DENND4C: variants seen among roughly 807,000 people sequenced by gnomAD.
The protein encoded by DENND4C is DENN domain-containing protein 4C.
In DENND4C, 108 loss-of-function variants were observed where a neutral mutation model predicts 203.0. That is an observed-to-expected ratio of 0.53 (90% CI 0.46 to 0.62). The LOEUF (loss-of-function observed/expected upper bound fraction) is 0.62. DENND4C is among the 20% of genes least tolerant of loss of function. The pLI, the probability that DENND4C is intolerant of heterozygous loss-of-function variation, is 0.00. For synonymous variants in DENND4C, 871 were observed against 792.4 expected, an observed-to-expected ratio of 1.10 and a Z score of -1.67; for missense variants, 2,481 against 2,301.2, an observed-to-expected ratio of 1.08 and a Z score of -1.60.
At chr9:19,309,978 G>A (rs916333972) in intron 10 of DENND4C, among the ~76,000 whole-genome samples, 2 of 152,126 alleles carry the variant, frequency 1.3e-5, no homozygotes, top group East Asian at 3.9e-4. Context: ...GGTGAACTTT[G>A]TGTTTTCTCC....
At chr9:19,303,126 T>C (rs74439918) in intron 9 of DENND4C, among the ~76,000 whole-genome samples, 6,699 of 152,174 alleles carry the variant, frequency 0.044, 482 homozygotes, top group African/African-American at 0.15. Context: ...GCAGAATACA[T>C]GCTGGTTGAA....
At chr9:19,315,999 G>A (rs2131551276) in intron 10 of DENND4C, among the ~76,000 whole-genome samples, 1 of 152,224 alleles carries the variant, frequency 6.6e-6, no homozygotes, top group Admixed American at 6.5e-5. Context: ...AACTGTGAGG[G>A]CTGGATGAAC....
intron 6 of DENND4C, 142 bp from the exon 7 acceptor site, chr9:19,297,914 C>G: frequency 1.7e-6 from 1 of 589,980 alleles, no homozygotes; most frequent in Non-Finnish European, 2.8e-6. Context: ...TTACATGGAG[C>G]AAATTTACTT....
At chr9:19,354,757 G>A (rs1212370416) in intron 26 of DENND4C, among the ~76,000 whole-genome samples, 6 of 151,730 alleles carry the variant, frequency 4.0e-5, no homozygotes, top group Non-Finnish European at 7.4e-5. Flanking sequence ...TGTTAGCCAG[G>A]CTGGTCTCGA....
intron 2 of DENND4C, among the ~76,000 whole-genome samples, chr9:19,279,459 G>A (rs1286655500): frequency 1.3e-5 from 2 of 152,048 alleles, no homozygotes; most frequent in East Asian, 1.9e-4. Context: ...CCGATCACTT[G>A]TGGTCAGGAG....
intron 16 of DENND4C, among the ~76,000 whole-genome samples, chr9:19,331,254 G>A (rs1819084862): frequency 6.6e-6 from 1 of 150,584 alleles, no homozygotes; most frequent in Middle Eastern, 3.4e-3. Flanking sequence ...CCAGGCTGGA[G>A]TGCAGTGGCA....
At chr9:19,357,407 A>T in intron 27 of DENND4C, 1 of 398,950 alleles carries the variant, frequency 2.5e-6, no homozygotes, top group South Asian at 3.8e-5. Context: ...TTCCCTTTTA[A>T]TATAGTCATT....
chr9:19,371,932 AAT>A lies in DENND4C; in HGVS notation c.5741-99_5741-98del, dbSNP rs1353998879. ...AAGATTTAAAAGATTTCTACTTCTA[AAT>A]ATATAGTTCAAATACATATAATTTG... On this transcript the variant is annotated intron_variant, in intron 32 of 32. Coordinates refer to ENST00000434457, the MANE Select transcript of DENND4C (RefSeq NM_001330640.2). 4.5e-6 allele frequency: 6 copies of A among 1,342,328 alleles called. No individual in the cohort carries two copies. In the African/African-American group the frequency reaches 8.8e-5, roughly 20 times the overall value. 83.2% of individuals were successfully genotyped at this position (1,342,328 alleles called of 1,614,324 possible).
chr9:19,320,479 G>A (rs1489164287), intron 12 of DENND4C, among the ~76,000 whole-genome samples: 9 of 152,192 alleles, frequency 5.9e-5, no homozygotes, highest in East Asian at 3.9e-4. Context: ...GATTACAGGC[G>A]TGAGCCACTG....
intron 1 of DENND4C, among the ~76,000 whole-genome samples, chr9:19,246,062 C>A (rs1016132457): frequency 1.3e-5 from 2 of 151,946 alleles, no homozygotes; most frequent in African/African-American, 4.8e-5. Flanking sequence ...TCATTCTCCT[C>A]ATATATTCTC....
intron 10 of DENND4C, among the ~76,000 whole-genome samples, chr9:19,310,751 C>T (rs1012937023): frequency 2.6e-5 from 4 of 151,928 alleles, no homozygotes; most frequent in African/African-American, 9.7e-5. Context: ...TGAGATGTGC[C>T]TCCTACAACT....
intron 1 of DENND4C, among the ~76,000 whole-genome samples, chr9:19,261,774 G>C (rs370095427): frequency 6.6e-6 from 1 of 151,806 alleles, no homozygotes; most frequent in Non-Finnish European, 1.5e-5. Context: ...CAACATGCTG[G>C]GATACAGACA....
intron 10 of DENND4C, among the ~76,000 whole-genome samples, chr9:19,310,417 GT>G (rs1264867935): frequency 1.3e-5 from 2 of 152,144 alleles, no homozygotes; most frequent in East Asian, 3.9e-4. Context: ...TGTAAATAAA[GT>G]TTTATTGGAA....
chr9:19,364,501 G>T (rs1219076115), intron 30 of DENND4C, among the ~76,000 whole-genome samples: 3 of 152,120 alleles, frequency 2.0e-5, no homozygotes, highest in South Asian at 2.1e-4. Context: ...TTGAGACAGG[G>T]TCATGTCTCT....
intron 2 of DENND4C, among the ~76,000 whole-genome samples, chr9:19,280,313 A>G (rs985276160): frequency 2.0e-5 from 3 of 151,952 alleles, no homozygotes; most frequent in Non-Finnish European, 4.4e-5. Flanking sequence ...CGCCCAGCTA[A>G]CTTTTGTATT....
rs779638219 is a variant in DENND4C at position 19,361,896 on chromosome 9, G to A, written c.5457G>A (p.Leu1819=). The A allele has an allele frequency of 6.2e-7, 1 of 1,612,980 alleles. No individual in the cohort carries two copies. Among genetic ancestry groups the A allele is most frequent in the Non-Finnish European group, 8.5e-7 (1 of 1,179,072 alleles). The change falls in exon 30 of 33, where the codon CTG becomes CTA. Residue 1819 remains leucine, a synonymous_variant. Transcript: ENST00000434457. The part of the protein sequence containing the change: ...SQDSKLVYIQ[L]LWDNINLHQE... Reference sequence around the variant, plus strand: ...ATAGCAAACTTGTGTATATTCAGCTGTTATGGGATAATATCAACCTTCATC... The same window carrying A: ...ATAGCAAACTTGTGTATATTCAGCTATTATGGGATAATATCAACCTTCATC...
chr9:19,306,245 A>C (rs184580564), intron 10 of DENND4C, among the ~76,000 whole-genome samples: 2 of 152,332 alleles, frequency 1.3e-5, no homozygotes, highest in Admixed American at 6.5e-5. Context: ...GATTGGTAGA[A>C]AATGAAGAGA....
chr9:19,332,478 G>A (rs1171786605), intron 17 of DENND4C, among the ~76,000 whole-genome samples: 1 of 151,160 alleles, frequency 6.6e-6, no homozygotes, highest in Non-Finnish European at 1.5e-5. Flanking sequence ...TGCCTCCCGA[G>A]TAGCTGGAAT....
intron 15 of DENND4C, among the ~76,000 whole-genome samples, chr9:19,326,410 G>A (rs1005303147): frequency 1.3e-5 from 2 of 152,036 alleles, no homozygotes; most frequent in African/African-American, 4.8e-5. Flanking sequence ...CTTAGTGTTT[G>A]TATTTTAATC....
Sources: gnomAD v4.1 joint callset for allele counts (sites outside exome capture counted in the v4.1 genomes callset) on GRCh38, gnomAD v4.1.1 for gene constraint, MANE v1.5 for transcripts, NCBI Gene and HGNC (gene_info 2026-07-23, HGNC 2026-07-21) for gene names.